Variants in RABGAP1L observed in about 807,000 individuals in gnomAD.
RABGAP1L encodes rab GTPase-activating protein 1-like.
In RABGAP1L, 63 loss-of-function variants were observed where a neutral mutation model predicts 137.7. That is an observed-to-expected ratio of 0.46 (90% CI 0.37 to 0.56). The LOEUF is 0.56. RABGAP1L is among the 20% of genes least tolerant of loss of function. The pLI is 0.00. For missense variants in RABGAP1L, 1,095 were observed against 1,244.0 expected (o/e 0.88, Z 1.80); for synonymous variants, 431 against 433.7 (o/e 0.99, Z 0.08).
At chr1:174,524,546 C>G (rs1232324227) in intron 13 of RABGAP1L, among the ~76,000 whole-genome samples, 1 of 151,816 alleles carries the variant, frequency 6.6e-6, no homozygotes, top group Admixed American at 6.6e-5. Context: ...AATATTAATC[C>G]CTTGTTGAAT....
At chr1:174,195,819 TTCTTTCTA>T (rs1667637187) in intron 1 of RABGAP1L, among the ~76,000 whole-genome samples, 1 of 142,984 alleles carries the variant, frequency 7.0e-6, no homozygotes, top group Non-Finnish European at 1.5e-5. Context: ...CTATCCTTCT[TTCTTTCTA>T]TCCTTCTTCT....
At chr1:174,579,607 G>A (rs1668597167) in intron 13 of RABGAP1L, among the ~76,000 whole-genome samples, 1 of 152,176 alleles carries the variant, frequency 6.6e-6, no homozygotes, top group Non-Finnish European at 1.5e-5. Context: ...TGTGATGATG[G>A]AGTAAGAATT....
chr1:174,565,624 G>A (rs1285480478), intron 13 of RABGAP1L, among the ~76,000 whole-genome samples: 2 of 152,116 alleles, frequency 1.3e-5, no homozygotes, highest in African/African-American at 2.4e-5. Context: ...GTCTGGACTT[G>A]ACGCAGTTTG....
chr1:174,184,278 AGTCT>A (rs1329871414), intron 1 of RABGAP1L, among the ~76,000 whole-genome samples: 2 of 152,200 alleles, frequency 1.3e-5, no homozygotes, highest in Non-Finnish European at 2.9e-5. Flanking sequence ...GATGTACCAC[AGTCT>A]GTCTGTTCAT....
At chr1:174,793,575 G>A (rs1195864871) in intron 18 of RABGAP1L, among the ~76,000 whole-genome samples, 2 of 152,144 alleles carry the variant, frequency 1.3e-5, no homozygotes, top group Non-Finnish European at 2.9e-5. Context: ...CAACTTGTAA[G>A]CTCAGTCTCA....
intron 18 of RABGAP1L, among the ~76,000 whole-genome samples, chr1:174,809,363 T>G (rs968247338): frequency 6.6e-6 from 1 of 152,210 alleles, no homozygotes; most frequent in Non-Finnish European, 1.5e-5. Context: ...GTACCCTCCC[T>G]GAGGCTATTA....
intron 15 of RABGAP1L, among the ~76,000 whole-genome samples, chr1:174,689,327 G>GTA (rs937982103): frequency 2.4e-4 from 36 of 150,858 alleles, no homozygotes; most frequent in African/African-American, 4.1e-4. Context: ...AGTCTCTATC[G>GTA]TATATATATA....
intron 13 of RABGAP1L, among the ~76,000 whole-genome samples, chr1:174,535,214 G>A (rs1664804459): frequency 2.0e-5 from 3 of 151,954 alleles, no homozygotes; most frequent in Admixed American, 2.0e-4. Context: ...TGAACTGTGG[G>A]AAATAAAAAA....
At position 174,231,164 on chromosome 1, in the gene RABGAP1L, A is replaced by G; in HGVS notation, c.351A>G (p.Pro117=). ...PSNTEISTPR[P]SSPGGLPEED... ...CTTCAGAAATTTCTACACCCAGACC[A>G]TCTTCTCCAGGTGGACTACCTGAAG... The change falls in exon 4 of 26, where the codon CCA becomes CCG. Residue 117 remains proline (P), a synonymous_variant. Coordinates refer to ENST00000681986, the MANE Select transcript of RABGAP1L (RefSeq NM_001366446.1). The G allele has an allele frequency of 1.2e-6, 2 of 1,612,262 alleles. No individual in the cohort carries two copies. Among genetic ancestry groups the G allele is most frequent in the Non-Finnish European group, 1.7e-6 (2 of 1,178,900 alleles).
At chr1:174,871,566 C>A (rs1439050875) in intron 19 of RABGAP1L, among the ~76,000 whole-genome samples, 1 of 152,162 alleles carries the variant, frequency 6.6e-6, no homozygotes, top group Non-Finnish European at 1.5e-5. Flanking sequence ...ATAATGCAGG[C>A]ATGTGAGGTC....
intron 13 of RABGAP1L, among the ~76,000 whole-genome samples, chr1:174,615,107 T>G (rs1305496450): frequency 6.6e-6 from 1 of 152,238 alleles, no homozygotes; most frequent in Non-Finnish European, 1.5e-5. Flanking sequence ...CCTGCTTTGT[T>G]TCGTTGCTGG....
At chr1:174,232,409 C>T (rs1052139013) in intron 4 of RABGAP1L, among the ~76,000 whole-genome samples, 3 of 151,126 alleles carry the variant, frequency 2.0e-5, no homozygotes, top group South Asian at 2.1e-4. Flanking sequence ...CGCTCAAACT[C>T]GGGAGATGGA....
intron 13 of RABGAP1L, among the ~76,000 whole-genome samples, chr1:174,601,398 G>T (rs1337037047): frequency 1.3e-5 from 2 of 151,992 alleles, no homozygotes; most frequent in African/African-American, 4.8e-5. Context: ...AGAAAAATGG[G>T]TTTTTCCAAA....
chr1:174,676,403 G>A (rs1242644068), intron 14 of RABGAP1L, among the ~76,000 whole-genome samples: 2 of 152,136 alleles, frequency 1.3e-5, no homozygotes, highest in East Asian at 3.9e-4. Context: ...GAATTCACTA[G>A]GTTACTGATT....
At chr1:174,762,579 G>T (rs919022689) in intron 18 of RABGAP1L, among the ~76,000 whole-genome samples, 1 of 152,198 alleles carries the variant, frequency 6.6e-6, no homozygotes, top group Non-Finnish European at 1.5e-5. Flanking sequence ...TTAAATGGTT[G>T]GTTGGTTGTT....
At chr1:174,276,122 C>T (rs1368273642) in intron 9 of RABGAP1L, among the ~76,000 whole-genome samples, 187 bp downstream of exon 9, 1 of 151,942 alleles carries the variant, frequency 6.6e-6, no homozygotes, top group African/African-American at 2.4e-5. Flanking sequence ...AAATCCTCCC[C>T]AAAAGATATG....
chr1:174,914,531 A>G (rs1660541530), intron 19 of RABGAP1L, among the ~76,000 whole-genome samples: 1 of 152,180 alleles, frequency 6.6e-6, no homozygotes, highest in Admixed American at 6.5e-5. Flanking sequence ...CCACAGTAAT[A>G]CCTCTAAATG....
intron 19 of RABGAP1L, among the ~76,000 whole-genome samples, chr1:174,895,443 G>C (rs1393266415): frequency 6.9e-6 from 1 of 145,640 alleles, no homozygotes; most frequent in Non-Finnish European, 1.5e-5. Flanking sequence ...GCTTTTGGAA[G>C]TTTTTTTTTA....
intron 11 of RABGAP1L, among the ~76,000 whole-genome samples, chr1:174,318,313 T>C (rs1290832064): frequency 6.6e-6 from 1 of 152,182 alleles, no homozygotes; most frequent in Non-Finnish European, 1.5e-5. Context: ...CTGCTCTGCT[T>C]TGGTTTTTAT....
Sources: gnomAD v4.1 joint callset for allele counts (sites outside exome capture counted in the v4.1 genomes callset) on GRCh38, gnomAD v4.1.1 for gene constraint, MANE v1.5 for transcripts, NCBI Gene and HGNC (gene_info 2026-07-23, HGNC 2026-07-21) for gene names.